The following SYT9 variants were observed in gnomAD, a reference collection of about 807,000 sequenced individuals.
SYT9 encodes synaptotagmin 9.
In SYT9, 22 loss-of-function variants were observed where a neutral mutation model predicts 48.4. The ratio of observed to expected loss-of-function variants is 0.45; its 90% CI spans 0.32 to 0.65. SYT9 has a LOEUF of 0.65. Ranked by LOEUF, SYT9 falls within the 30% of genes least tolerant of loss-of-function variation. The pLI, the probability that SYT9 is intolerant of heterozygous loss-of-function variation, is 0.03. For synonymous variants in SYT9, 265 were observed against 245.0 expected (o/e 1.08, Z -0.76); for missense variants, 577 against 622.0 (o/e 0.93, Z 0.77).
intron 3 of SYT9, among the ~76,000 whole-genome samples, chr11:7,383,470 C>T (rs966553539): frequency 6.6e-6 from 1 of 152,116 alleles, no homozygotes; most frequent in Admixed American, 6.6e-5. Flanking sequence ...CAAGGACCCT[C>T]GAAACTTTCC....
chr11:7,375,959 G>A (rs1348899431), intron 3 of SYT9, among the ~76,000 whole-genome samples: 1 of 151,994 alleles, frequency 6.6e-6, no homozygotes, highest in Admixed American at 6.6e-5. Flanking sequence ...AGATCTTCGA[G>A]GTCTTCCCTG....
chr11:7,406,361 T>G (rs1220191079), intron 3 of SYT9, among the ~76,000 whole-genome samples: 1 of 152,048 alleles, frequency 6.6e-6, no homozygotes, highest in Non-Finnish European at 1.5e-5. Flanking sequence ...TCTACTATTC[T>G]AGTCTCTATC....
At chr11:7,374,212 G>C (rs1850413876) in intron 3 of SYT9, among the ~76,000 whole-genome samples, 1 of 152,014 alleles carries the variant, frequency 6.6e-6, no homozygotes, top group Admixed American at 6.6e-5. Flanking sequence ...GAGAATGATG[G>C]TTTCCAGCTT....
At chr11:7,330,719 GGAGTTTCCCTCTTGTTC>G (rs1338861598) in intron 3 of SYT9, among the ~76,000 whole-genome samples, 1 of 152,118 alleles carries the variant, frequency 6.6e-6, no homozygotes, top group African/African-American at 2.4e-5. Context: ...CTTTTGAGAT[GGAGTTTCCCTCTTGTTC>G]CCCAGGCTGG....
chr11:7,375,046 T>C (rs1657510465), intron 3 of SYT9, among the ~76,000 whole-genome samples: 1 of 152,196 alleles, frequency 6.6e-6, no homozygotes, highest in Non-Finnish European at 1.5e-5. Context: ...GTTTTTATGG[T>C]TTTAGGTCTT....
intron 6 of SYT9, among the ~76,000 whole-genome samples, chr11:7,450,594 A>G (rs553970677): frequency 1.4e-4 from 21 of 152,344 alleles, no homozygotes; most frequent in African/African-American, 4.6e-4. Context: ...TACAGATTTA[A>G]ACTCACAGTG....
intron 3 of SYT9, among the ~76,000 whole-genome samples, chr11:7,331,746 G>A (rs992613245): frequency 4.6e-5 from 7 of 152,124 alleles, no homozygotes; most frequent in African/African-American, 1.7e-4. Context: ...ATTTACATTA[G>A]GAGTCCTCAT....
At chr11:7,459,100 G>C (rs906740311) in intron 6 of SYT9, among the ~76,000 whole-genome samples, 1 of 152,150 alleles carries the variant, frequency 6.6e-6, no homozygotes, top group African/African-American at 2.4e-5. Flanking sequence ...TTTTCTGTAG[G>C]GTATGAGAGA....
intron 2 of SYT9, among the ~76,000 whole-genome samples, chr11:7,308,273 C>T (rs956319359): frequency 2.6e-5 from 4 of 152,198 alleles, no homozygotes; most frequent in Non-Finnish European, 4.4e-5. Flanking sequence ...TCCTTGGATC[C>T]TGAAGCCTTG....
intron 6 of SYT9, among the ~76,000 whole-genome samples, chr11:7,461,664 C>T (rs60949992): frequency 0.33 from 49,554 of 152,102 alleles, 9,318 homozygotes; most frequent in African/African-American, 0.52. Context: ...TGAGCCACAG[C>T]GCTGAGCATA....
At chr11:7,464,795 A>G (rs1298763614) in intron 6 of SYT9, among the ~76,000 whole-genome samples, 1 of 152,112 alleles carries the variant, frequency 6.6e-6, no homozygotes, top group East Asian at 1.9e-4. Flanking sequence ...AAGTAGAGCT[A>G]TTCGGGGCCA....
intron 1 of SYT9, among the ~76,000 whole-genome samples, chr11:7,273,980 A>C (rs1162125942): frequency 6.6e-6 from 1 of 152,200 alleles, no homozygotes; most frequent in Non-Finnish European, 1.5e-5. Flanking sequence ...TGACAGGTTG[A>C]TAGGTGCAGC....
chr11:7,275,103 C>A (rs1469771711), intron 1 of SYT9, among the ~76,000 whole-genome samples: 1 of 151,996 alleles, frequency 6.6e-6, no homozygotes, highest in African/African-American at 2.4e-5. Flanking sequence ...AGCCAGCTAG[C>A]AGAGTGTGCA....
chr11:7,247,568 TAC>T (rs1330173770), upstream of SYT9, among the ~76,000 whole-genome samples: 1 of 138,694 alleles, frequency 7.2e-6, no homozygotes, highest in Non-Finnish European at 1.5e-5. Context: ...TACACATATA[TAC>T]ACATATACAT....
In SYT9 at chr11:7,285,605, C is replaced by T. The variant is rs938397958; in HGVS notation, c.146-17434C>T. Among the ~76,000 whole-genome samples the T allele has an allele frequency of 2.6e-5, 4 of 152,180 alleles. No individual in the cohort carries two copies. In the East Asian group the frequency reaches 5.8e-4, roughly 22 times the overall value. On this transcript the variant is annotated intron_variant, in intron 1 of 6. Transcript: ENST00000318881. ...TCAAAACACAATCATGCCCTTCCAA[C>T]AGTTCCCTAAAATCTTAACTCATTC...
intron 6 of SYT9, among the ~76,000 whole-genome samples, chr11:7,432,582 AATATATATACATAT>A (rs1564902066): frequency 6.3e-3 from 22 of 3,496 alleles, no homozygotes; most frequent in Admixed American, 0.026. Flanking sequence ...AAAAAAAAAA[AATATATATACATAT>A]ATATATATAT....
In SYT9 at chr11:7,252,196, GC is replaced by G; in HGVS notation, c.12del (p.Arg5GlyfsTer48). 1 of 1,462,142 alleles carries G rather than the reference GC, an allele frequency of 6.8e-7. No homozygotes were observed. 90.6% of individuals were successfully genotyped at this position (1,462,142 alleles called of 1,614,324 possible). A position where few individuals can be genotyped will look rare whatever the true frequency, so the allele number is the denominator to read the frequency against. On this transcript the variant is annotated frameshift_variant, in exon 1 of 7. Coordinates refer to ENST00000318881, the MANE Select transcript of SYT9 (RefSeq NM_175733.4). LOFTEE classifies it high-confidence loss of function. This position sits in a 1 kb window ranked among gnomAD's most constrained non-coding sequence, Gnocchi z 6.3. The part of the protein sequence containing the change: MPG[A>X]RDALCHQALQ... Reference sequence around the variant, plus strand: ...AGGATGCGGGGGGGCGATGCCCGGGGCCAGGGACGCGCTCTGTCACCAGGCG... The same window carrying G: ...AGGATGCGGGGGGGCGATGCCCGGGGCAGGGACGCGCTCTGTCACCAGGCG...
At chr11:7,298,552 C>T (rs1357998352) in intron 1 of SYT9, among the ~76,000 whole-genome samples, 1 of 152,074 alleles carries the variant, frequency 6.6e-6, no homozygotes, top group East Asian at 1.9e-4. Context: ...CTTCCTGGCC[C>T]TTCACAGTTT....
At chr11:7,339,150 T>C (rs1288669953) in intron 3 of SYT9, among the ~76,000 whole-genome samples, 1 of 152,188 alleles carries the variant, frequency 6.6e-6, no homozygotes, top group Non-Finnish European at 1.5e-5. Flanking sequence ...AAGTCTGTTT[T>C]TATCTGAAGT....
Sources: gnomAD v4.1 joint callset for allele counts (sites outside exome capture counted in the v4.1 genomes callset) on GRCh38, gnomAD v4.1.1 for gene constraint, Gnocchi (gnomAD v3.1) non-coding constraint, MANE v1.5 for transcripts, NCBI Gene and HGNC (gene_info 2026-07-23, HGNC 2026-07-21) for gene names.